The following FLNB variants were observed in gnomAD, a reference collection of about 807,000 sequenced individuals.
FLNB encodes the protein filamin-B.
FLNB carries 111 observed loss-of-function variants against 250.6 expected under a neutral mutation model. The ratio of observed to expected loss-of-function variants is 0.44; its 90% CI spans 0.38 to 0.52. FLNB has a LOEUF of 0.52. Among genes scored for constraint, FLNB ranks in the 20% least tolerant of loss-of-function variants. FLNB has a pLI of 0.00. For missense variants in FLNB, 2,869 were observed against 3,447.8 expected (o/e 0.83, Z 4.20); for synonymous variants, 1,302 against 1,372.1 (o/e 0.95, Z 1.13).
In FLNB at chr3:58,126,685, G is replaced by A. The variant is rs1035789036; in HGVS notation, c.4145G>A (p.Ser1382Asn). The A allele has an allele frequency of 1.2e-6, 2 of 1,613,614 alleles. No homozygotes were observed. The highest frequency in any genetic ancestry group is 1.7e-6 in the Non-Finnish European group (2 of 1,179,514). ...KINCRDNKDG[S>N]CSAEYIPFAP... ...AATTGCAGAGACAACAAGGATGGCA[G>A]CTGCAGTGCTGAGTACATTCCTTTC... The change falls in exon 24 of 46, where the codon AGC (serine) becomes AAC (asparagine). Residue 1382 changes from serine to asparagine, a missense_variant. By Grantham distance (46) the Ser-to-Asn change is conservative. This residue lies in a region of FLNB where 1,348 missense variants were observed against 1,466.7 expected (regional missense o/e 0.92). Transcript: ENST00000295956.
chr3:58,158,952 G>A (rs187780553), intron 41 of FLNB, among the ~76,000 whole-genome samples: 1 of 151,928 alleles, frequency 6.6e-6, no homozygotes, highest in Admixed American at 6.6e-5. Context: ...GAGATAGATC[G>A]TTATTATGCC....
chr3:58,043,537 G>T lies in FLNB; in HGVS notation c.293-33509G>T, dbSNP rs149299771. ...TAACTGAGACATCCCAGAGCCGACT[G>T]CCCCCAAGCATTACTTGGTCCCAAG... On this transcript the variant is annotated intron_variant, in intron 1 of 45. Transcript: ENST00000295956. 9.5e-3 allele frequency among the ~76,000 whole-genome samples: 1,446 copies of T among 152,250 alleles called. 22 individuals carry two copies. Among genetic ancestry groups the T allele is most frequent in the African/African-American group, 0.032 (1,318 of 41,548 alleles).
chr3:58,169,412 G>A lies in FLNB; in HGVS notation c.7418-178G>A. On this transcript the variant is annotated intron_variant, in intron 44 of 45. Transcript: ENST00000295956. This position sits in a 1 kb window ranked among gnomAD's most constrained non-coding sequence, Gnocchi z 4.8. ...GAAAGCCAGATCCTAGTTGTATGGG[G>A]GTGGGATCCTAGGGGTTTAGAAGAC... The A allele has an allele frequency of 1.5e-6, 1 of 649,538 alleles. No individual in the cohort carries two copies. The allele number at this position is 649,538 out of a possible 1,614,324, so 40.2% of individuals were successfully genotyped here. A position where few individuals can be genotyped will look rare whatever the true frequency, so the allele number is the denominator to read the frequency against.
intron 2 of FLNB, among the ~76,000 whole-genome samples, chr3:58,077,626 A>G (rs923967352): frequency 7.2e-5 from 11 of 152,214 alleles, no homozygotes; most frequent in African/African-American, 2.4e-4. Context: ...TCAGTTTCTC[A>G]TTGGATTTGG....
At chr3:58,078,528 G>A (rs1464159785) in intron 2 of FLNB, 189 bp from the exon 3 acceptor site, 2 of 1,536,536 alleles carry the variant, frequency 1.3e-6, no homozygotes, top group Admixed American at 3.9e-5. Flanking sequence ...CAGTAATGGA[G>A]GATAGTTTAC....
At chr3:58,037,669 T>C (rs2097140021) in intron 1 of FLNB, among the ~76,000 whole-genome samples, 1 of 152,240 alleles carries the variant, frequency 6.6e-6, no homozygotes, top group African/African-American at 2.4e-5. Flanking sequence ...TGATTCTGTT[T>C]ATGACCCTGG....
At chr3:58,104,185 G>A in intron 10 of FLNB, 100 bp downstream of exon 10, 1 of 1,215,808 alleles carries the variant, frequency 8.2e-7, no homozygotes, top group East Asian at 2.4e-5. Context: ...AAAGAGATCT[G>A]CTTTGTTGAA....
rs745492584 is a variant in FLNB at position 58,146,065 on chromosome 3, CGT to C, written c.5554+19_5554+20del. 2 of 1,614,018 alleles carry C rather than the reference CGT, an allele frequency of 1.2e-6. No individual in the cohort carries two copies. The highest frequency in any genetic ancestry group is 3.3e-5 in the Admixed American group (2 of 60,022). On this transcript the variant is annotated intron_variant, in intron 33 of 45. Transcript: ENST00000295956. The stretch of plus-strand genomic sequence containing the variant: ...GCAGGAGAAGGTACTGTGTGGTTTA[CGT>C]GTTTATACGCCTCCAGCTGTCCATT...
chr3:58,120,786 T>C lies in FLNB; in HGVS notation c.2864-455T>C, dbSNP rs548159538. ...AGACGACAGTGTCAGATTACAACTT[T>C]CTGGTCAGCAAAGATTGTGGGGTCA... On this transcript the variant is annotated intron_variant, in intron 19 of 45. Coordinates refer to ENST00000295956, the MANE Select transcript of FLNB (RefSeq NM_001457.4). Among the ~76,000 whole-genome samples, 30 of 152,350 alleles carry C rather than the reference T, an allele frequency of 2.0e-4. 1 individual carries two copies. The South Asian group carries it at 5.6e-3, about 28-fold the overall frequency.
chr3:58,023,414 G>T (rs1441565397), intron 1 of FLNB, among the ~76,000 whole-genome samples: 2 of 152,060 alleles, frequency 1.3e-5, no homozygotes, highest in Non-Finnish European at 2.9e-5. Flanking sequence ...TTTTATTGGA[G>T]CATTAAAAAG....
In FLNB at chr3:58,141,401, ATAC is replaced by A. The variant is rs779485490; in HGVS notation, c.5110-455_5110-453del. On this transcript the variant is annotated intron_variant, in intron 29 of 45. Transcript: ENST00000295956. ...TTTCATGCCTGGGGTCACACCGTAC[ATAC>A]TGCTTTCGCACCTTGCTTCCTTCCC... is the stretch of plus-strand genomic sequence containing the variant. Among the ~76,000 whole-genome samples, 27 of 152,348 alleles carry A rather than the reference ATAC, an allele frequency of 1.8e-4. No homozygotes were observed. In the East Asian group the frequency reaches 3.3e-3, roughly 18 times the overall value.
chr3:58,126,718 G>A lies in FLNB; in HGVS notation c.4178G>A (p.Gly1393Glu), dbSNP rs1281492558. The A allele has an allele frequency of 2.5e-6, 4 of 1,613,978 alleles. No homozygotes were observed. The highest frequency in any genetic ancestry group is 3.4e-6 in the Non-Finnish European group (4 of 1,179,902). Residue 1393 changes from glycine to glutamate, a missense_variant, in exon 24 of 46, where the codon GGG becomes GAG. Transcript: ENST00000295956. ...CSAEYIPFAP[G>E]DYDVNITYGG... The stretch of plus-strand genomic sequence containing the variant: ...GCTGAGTACATTCCTTTCGCACCGG[G>A]GGATTACGATGTTAATATCACATAT...
chr3:58,040,784 C>T (rs1418387929), intron 1 of FLNB, among the ~76,000 whole-genome samples: 23 of 152,170 alleles, frequency 1.5e-4, no homozygotes, highest in Non-Finnish European at 2.6e-4. Context: ...CGTGAGCCAC[C>T]GTCCCCAGCC....
At chr3:58,051,083 G>T (rs747923572) in intron 1 of FLNB, among the ~76,000 whole-genome samples, 3 of 152,126 alleles carry the variant, frequency 2.0e-5, no homozygotes, top group Non-Finnish European at 4.4e-5. Context: ...GGGACCCCCT[G>T]AGTCTCTCTG....
rs759385132 is a variant in FLNB at position 58,124,344 on chromosome 3, A to C, written c.3737A>C (p.Glu1246Ala). 5.0e-6 allele frequency: 8 copies of C among 1,613,960 alleles called. No individual in the cohort carries two copies. The South Asian group carries it at 8.8e-5, about 18-fold the overall frequency. The change falls in exon 22 of 46, where the codon GAA (glutamate) becomes GCA (alanine). Residue 1246 changes from glutamate (E) to alanine (A), a missense_variant. Physicochemically the swap from Glu to Ala is moderately radical, Grantham distance 107 (BLOSUM62 -1). Transcript: ENST00000295956. ...PGIEGKDVFR[E>A]ATTDFTVDSR... ...GCTTGCTCTGCAGATGTGTTCCGGGAAGCTACCACCGACTTTACAGTTGAC... is the reference window on the plus strand; with the variant it reads ...GCTTGCTCTGCAGATGTGTTCCGGGCAGCTACCACCGACTTTACAGTTGAC...
intron 4 of FLNB, among the ~76,000 whole-genome samples, chr3:58,086,445 A>G (rs2106993877): frequency 7.5e-6 from 1 of 133,270 alleles, no homozygotes; most frequent in Non-Finnish European, 1.6e-5. Flanking sequence ...TCAAAGTTTC[A>G]GGTATTTATT....
intron 32 of FLNB, among the ~76,000 whole-genome samples, chr3:58,144,620 C>T (rs1469915506): frequency 1.3e-5 from 2 of 152,194 alleles, no homozygotes; most frequent in Non-Finnish European, 2.9e-5. Flanking sequence ...ATTTAGTTAC[C>T]AGAGGAGGCA....
chr3:58,037,363 C>G (rs1328126550), intron 1 of FLNB, among the ~76,000 whole-genome samples: 1 of 152,184 alleles, frequency 6.6e-6, no homozygotes. Context: ...CCACGCCTGG[C>G]CGACATCAGA....
At chr3:58,074,544 TG>T (rs1254433586) in intron 1 of FLNB, among the ~76,000 whole-genome samples, 2 of 152,130 alleles carry the variant, frequency 1.3e-5, no homozygotes, top group Non-Finnish European at 2.9e-5. Flanking sequence ...CAGCAACACA[TG>T]GCAAAGGATG....
Sources: gnomAD v4.1 joint callset for allele counts (sites outside exome capture counted in the v4.1 genomes callset) on GRCh38, gnomAD v4.1.1 for gene constraint, gnomAD v4.1.1 regional missense constraint, Gnocchi (gnomAD v3.1) non-coding constraint, MANE v1.5 for transcripts, NCBI Gene and HGNC (gene_info 2026-07-23, HGNC 2026-07-21) for gene names.